The following NAA15 variants were observed in gnomAD, a reference collection of about 807,000 sequenced individuals.
NAA15 encodes N-alpha-acetyltransferase 15, NatA auxiliary subunit.
Under a neutral mutation model 114.0 loss-of-function variants are expected in NAA15, and 34 were observed. The observed-to-expected ratio is 0.30, with a 90% CI of 0.23 to 0.40. The LOEUF (loss-of-function observed/expected upper bound fraction) is 0.40. NAA15 is among the 10% of genes least tolerant of loss of function. The pLI, the probability that NAA15 is intolerant of heterozygous loss-of-function variation, is 1.00. For synonymous variants in NAA15, 340 were observed against 338.0 expected, an observed-to-expected ratio of 1.01 and a Z score of -0.06; for missense variants, 658 against 1,004.5, an observed-to-expected ratio of 0.66 and a Z score of 4.66.
At chr4:139,321,558 G>A (rs1198575990) in intron 1 of NAA15, among the ~76,000 whole-genome samples, 7 of 143,524 alleles carry the variant, frequency 4.9e-5, no homozygotes, top group South Asian at 2.2e-4. Context: ...TGCAAGCTCC[G>A]CCTCCCGGAT....
chr4:139,316,681 T>C (rs1366826848), intron 1 of NAA15, among the ~76,000 whole-genome samples: 2 of 151,952 alleles, frequency 1.3e-5, no homozygotes, highest in African/African-American at 4.8e-5. Context: ...TTTTTTCTGT[T>C]CAGGTTGTTT....
intron 1 of NAA15, among the ~76,000 whole-genome samples, chr4:139,317,831 A>G (rs1272542447): frequency 6.6e-6 from 1 of 152,194 alleles, no homozygotes; most frequent in Non-Finnish European, 1.5e-5. Flanking sequence ...TGTCATGGAA[A>G]TAACTATGAG....
At chr4:139,367,690 A>C (rs1173173074) in intron 14 of NAA15, among the ~76,000 whole-genome samples, 1 of 152,198 alleles carries the variant, frequency 6.6e-6, no homozygotes, top group Non-Finnish European at 1.5e-5. Flanking sequence ...TTGTAATGCC[A>C]AGCCCCTTTG....
At chr4:139,358,163 A>C (rs1353245231) in intron 11 of NAA15, among the ~76,000 whole-genome samples, 1 of 151,124 alleles carries the variant, frequency 6.6e-6, no homozygotes, top group Non-Finnish European at 1.5e-5. Flanking sequence ...GTAATATTTA[A>C]GAAGTTTTTT....
chr4:139,338,600 A>G (rs1221463853), intron 3 of NAA15, among the ~76,000 whole-genome samples: 2 of 152,158 alleles, frequency 1.3e-5, no homozygotes, highest in East Asian at 1.9e-4. Context: ...GGTGCACAGC[A>G]CCAAGCCTGG....
intron 1 of NAA15, among the ~76,000 whole-genome samples, chr4:139,314,977 A>G (rs1203067829): frequency 1.1e-5 from 1 of 87,504 alleles, no homozygotes; most frequent in Non-Finnish European, 2.5e-5. Flanking sequence ...CACCCGGCCT[A>G]GAGAAGCGTT....
chr4:139,330,282 T>A (rs1423922224), intron 1 of NAA15, among the ~76,000 whole-genome samples: 1 of 152,216 alleles, frequency 6.6e-6, no homozygotes, highest in Non-Finnish European at 1.5e-5. Context: ...GCTTTCTTAT[T>A]ATAAGAAAAA....
At chr4:139,323,651 A>G (rs1746695482) in intron 1 of NAA15, among the ~76,000 whole-genome samples, 1 of 152,158 alleles carries the variant, frequency 6.6e-6, no homozygotes, top group Admixed American at 6.5e-5. Context: ...TCTTACACCT[A>G]TTCTGCAGTC....
At position 139,328,206 on chromosome 4, in the gene NAA15, T is replaced by C. The variant is rs148761001; in HGVS notation, c.55-5968T>C. Among the ~76,000 whole-genome samples, 213 of 152,020 alleles carry C rather than the reference T, an allele frequency of 1.4e-3. 2 individuals are homozygous for C. Among genetic ancestry groups the C allele is most frequent in the African/African-American group, 4.8e-3 (201 of 41,474 alleles). On this transcript the variant is annotated intron_variant, in intron 1 of 19. Coordinates refer to ENST00000296543, the MANE Select transcript of NAA15 (RefSeq NM_057175.5). ...ATTTTAAAAAAATTGAAATTAAAAT[T>C]TTATTTTATTAGTTTTTTCAGATGG...
chr4:139,376,823 A>G (rs1274841520), intron 16 of NAA15, among the ~76,000 whole-genome samples: 2 of 152,202 alleles, frequency 1.3e-5, no homozygotes. Flanking sequence ...AATGTTAGCT[A>G]TTATTAGCTA....
chr4:139,353,943 T>G (rs1165050444), intron 9 of NAA15, 83 bp from the exon 10 acceptor site: 2 of 1,058,318 alleles, frequency 1.9e-6, no homozygotes, highest in Non-Finnish European at 2.9e-6. Context: ...ATTTAGTGTT[T>G]TAGTAGAAAA....
At chr4:139,378,722 T>A (rs968055065) in intron 16 of NAA15, 34 bp from the exon 17 acceptor site, 3 of 1,400,590 alleles carry the variant, frequency 2.1e-6, no homozygotes, top group Non-Finnish European at 2.9e-6. Flanking sequence ...TCTTATCCAA[T>A]GATCAAAATA....
At chr4:139,342,319 TA>T (rs960121614) in intron 4 of NAA15, among the ~76,000 whole-genome samples, 39 of 152,122 alleles carry the variant, frequency 2.6e-4, no homozygotes, top group Admixed American at 5.9e-4. Flanking sequence ...TCTTAAGTTT[TA>T]AAAAAATTCT....
chr4:139,356,321 A>C (rs975210119), intron 10 of NAA15, among the ~76,000 whole-genome samples: 1 of 152,150 alleles, frequency 6.6e-6, no homozygotes, highest in Non-Finnish European at 1.5e-5. Context: ...TCTGGAATCA[A>C]TTGTTTTTCC....
chr4:139,380,051 A>G (rs1748700693), intron 17 of NAA15, among the ~76,000 whole-genome samples: 2 of 152,226 alleles, frequency 1.3e-5, no homozygotes, highest in Non-Finnish European at 2.9e-5. Context: ...TCTCAAAAAA[A>G]CAACAACAAC....
intron 19 of NAA15, among the ~76,000 whole-genome samples, chr4:139,387,273 AAAGAT>A (rs1318575547): frequency 6.6e-6 from 1 of 152,256 alleles, no homozygotes; most frequent in African/African-American, 2.4e-5. Flanking sequence ...AATCAACAAA[AAAGAT>A]AAGAAGCAGA....
intron 1 of NAA15, among the ~76,000 whole-genome samples, chr4:139,311,572 AT>A (rs2110836552): frequency 6.6e-6 from 1 of 152,068 alleles, no homozygotes; most frequent in African/African-American, 2.4e-5. Context: ...CAAAAGCATA[AT>A]AAGAGGAAAA....
chr4:139,326,665 T>C (rs1041730604), intron 1 of NAA15, among the ~76,000 whole-genome samples: 2 of 152,230 alleles, frequency 1.3e-5, no homozygotes, highest in Non-Finnish European at 2.9e-5. Flanking sequence ...AATGTAATGC[T>C]AGGATTATTA....
intron 5 of NAA15, among the ~76,000 whole-genome samples, chr4:139,343,347 T>G (rs749659132): frequency 2.6e-5 from 4 of 152,220 alleles, no homozygotes; most frequent in Non-Finnish European, 5.9e-5. Context: ...TAGACTGTTA[T>G]CTAATTAATC....
Sources: allele counts gnomAD v4.1 joint callset (sites outside exome capture counted in the v4.1 genomes callset), GRCh38; gene constraint gnomAD v4.1.1; transcripts MANE v1.5; gene names NCBI Gene and HGNC (gene_info 2026-07-23, HGNC 2026-07-21).